The following LPXN variants were observed in gnomAD, a reference collection of about 807,000 sequenced individuals.
The protein encoded by LPXN is leupaxin.
LPXN carries 28 observed loss-of-function variants against 45.6 expected under a neutral mutation model. That is an observed-to-expected ratio of 0.61 (90% CI 0.45 to 0.84). The LOEUF (loss-of-function observed/expected upper bound fraction) is 0.84. Ranked by LOEUF, LPXN falls within the 40% of genes least tolerant of loss-of-function variation. The pLI, the probability that LPXN is intolerant of heterozygous loss-of-function variation, is 0.00. For synonymous variants in LPXN, 166 were observed against 169.9 expected (o/e 0.98, Z 0.18); for missense variants, 459 against 475.0 (o/e 0.97, Z 0.31).
intron 2 of LPXN, among the ~76,000 whole-genome samples, chr11:58,566,397 TTC>T (rs1854529289): frequency 6.6e-6 from 1 of 152,200 alleles, no homozygotes; most frequent in Admixed American, 6.5e-5. Context: ...TCTTTCTACC[TTC>T]ATTCAAAGCA....
chr11:58,554,537 C>T (rs1308125427), intron 4 of LPXN, among the ~76,000 whole-genome samples: 1 of 152,152 alleles, frequency 6.6e-6, no homozygotes, highest in African/African-American at 2.4e-5. Context: ...GTTTGCAAAA[C>T]ACCTGGCTTT....
chr11:58,570,032 G>C (rs540777551), intron 2 of LPXN, among the ~76,000 whole-genome samples: 6 of 151,972 alleles, frequency 3.9e-5, no homozygotes, highest in African/African-American at 1.4e-4. Flanking sequence ...GGCTGGGCGT[G>C]ATGGCTCATG....
In LPXN at chr11:58,536,117, T is replaced by A. The variant is rs137965418; in HGVS notation, c.743-7926A>T. ...ATTTATGCATTCAATGCTATCCCCATCAAGCTACCATTGACTTTCTTCATA... is the reference window on the plus strand; with the variant it reads ...ATTTATGCATTCAATGCTATCCCCAACAAGCTACCATTGACTTTCTTCATA... On this transcript the variant is annotated intron_variant, in intron 7 of 8. Transcript: ENST00000395074. 5.1e-3 allele frequency among the ~76,000 whole-genome samples: 778 copies of A among 152,324 alleles called. 3 individuals are homozygous for A. The highest frequency in any genetic ancestry group is 8.5e-3 in the Non-Finnish European group (575 of 68,030).
intron 4 of LPXN, among the ~76,000 whole-genome samples, chr11:58,553,563 CA>C (rs934020918): frequency 6.6e-6 from 1 of 152,120 alleles, no homozygotes; most frequent in African/African-American, 2.4e-5. Context: ...TTTATTTACT[CA>C]TCTCTCTAAT....
At chr11:58,543,985 C>T (rs566437192) in intron 7 of LPXN, among the ~76,000 whole-genome samples, 1 of 152,200 alleles carries the variant, frequency 6.6e-6, no homozygotes, top group South Asian at 2.1e-4. Flanking sequence ...TTTCACATGC[C>T]TTGCTTTGTT....
chr11:58,532,111 G>A (rs945159492), intron 7 of LPXN, among the ~76,000 whole-genome samples: 5 of 152,264 alleles, frequency 3.3e-5, no homozygotes, highest in Non-Finnish European at 5.9e-5. Flanking sequence ...TGCGGAGGGT[G>A]CACTGGGTCC....
intron 7 of LPXN, among the ~76,000 whole-genome samples, chr11:58,530,190 C>T (rs953076882): frequency 3.9e-5 from 6 of 152,168 alleles, no homozygotes; most frequent in East Asian, 3.9e-4. Flanking sequence ...GGAATGCCAG[C>T]GAGACAGAAC....
At chr11:58,564,573 C>G (rs1854474079) in intron 2 of LPXN, among the ~76,000 whole-genome samples, 1 of 152,078 alleles carries the variant, frequency 6.6e-6, no homozygotes, top group South Asian at 2.1e-4. Context: ...TTAAACTTGA[C>G]ATATGAAAAG....
intron 7 of LPXN, among the ~76,000 whole-genome samples, chr11:58,544,070 T>C (rs1225183973): frequency 6.6e-6 from 1 of 152,172 alleles, no homozygotes; most frequent in East Asian, 1.9e-4. Flanking sequence ...AAACTAGTAA[T>C]TTTATATGCT....
chr11:58,539,953 G>C (rs1853664910), intron 7 of LPXN, among the ~76,000 whole-genome samples: 2 of 152,148 alleles, frequency 1.3e-5, no homozygotes, highest in South Asian at 2.1e-4. Flanking sequence ...GGATCGGGAT[G>C]ACACTGCTTA....
chr11:58,571,750 A>G (rs1469370912), intron 1 of LPXN, among the ~76,000 whole-genome samples: 1 of 151,916 alleles, frequency 6.6e-6, no homozygotes, highest in African/African-American at 2.4e-5. Flanking sequence ...AACACATGCC[A>G]GGCACTGTGC....
At chr11:58,538,139 A>G (rs1853610337) in intron 7 of LPXN, among the ~76,000 whole-genome samples, 1 of 152,076 alleles carries the variant, frequency 6.6e-6, no homozygotes, top group Admixed American at 6.5e-5. Flanking sequence ...TCCATGGTGT[A>G]TATGTGCCAC....
At position 58,554,911 on chromosome 11, in the gene LPXN, G is replaced by C; in HGVS notation, c.248C>G (p.Pro83Arg). The C allele has an allele frequency of 1.9e-6, 3 of 1,613,980 alleles. No homozygotes were observed. Among genetic ancestry groups the C allele is most frequent in the Admixed American group, 3.3e-5 (2 of 60,016 alleles). Residue 83 changes from proline (P) to arginine (R), a missense_variant, in exon 4 of 9, where the codon CCA becomes CGA. Transcript: ENST00000395074. ...AGCAGCTGCTGACGTTTTAGAAGGT[G>C]GTGGTGATTCCTTTGGCTCTTGGGC... Reference protein sequence around the residue: ...SEAQEPKESPPPSKTSAAAQL... With the variant: ...SEAQEPKESPRPSKTSAAAQL...
chr11:58,559,357 A>C (rs1854303589), intron 3 of LPXN, among the ~76,000 whole-genome samples: 1 of 152,134 alleles, frequency 6.6e-6, no homozygotes. Flanking sequence ...TCCTACAGAA[A>C]AATTGGACAT....
upstream of LPXN, chr11:58,577,918 G>A (rs542411067): frequency 3.1e-6 from 4 of 1,309,234 alleles, no homozygotes; most frequent in Admixed American, 7.5e-5. Flanking sequence ...AGAGCCAACT[G>A]AGTAGTGGGC....
At chr11:58,556,149 GT>G (rs565350312) in intron 3 of LPXN, among the ~76,000 whole-genome samples, 36 of 151,742 alleles carry the variant, frequency 2.4e-4, no homozygotes, top group African/African-American at 5.3e-4. Flanking sequence ...GTTGAAATGT[GT>G]TTTTTTTAAA....
chr11:58,533,864 G>A (rs1038023236), intron 7 of LPXN, among the ~76,000 whole-genome samples: 1 of 151,926 alleles, frequency 6.6e-6, no homozygotes, highest in African/African-American at 2.4e-5. Flanking sequence ...AAAAAGCAGG[G>A]GTTGCAATTC....
At chr11:58,577,977 G>A (rs1211767123), upstream of LPXN, 3 of 1,548,752 alleles carry the variant, frequency 1.9e-6, no homozygotes, top group East Asian at 2.5e-5. Context: ...ACCAGATTTA[G>A]TCGCTGACCT....
intron 3 of LPXN, among the ~76,000 whole-genome samples, chr11:58,555,458 A>C (rs1314694549): frequency 6.6e-6 from 1 of 152,180 alleles, no homozygotes; most frequent in Non-Finnish European, 1.5e-5. Flanking sequence ...ATTGTAAGTA[A>C]ATTATAAATA....
Sources: allele counts gnomAD v4.1 joint callset (sites outside exome capture counted in the v4.1 genomes callset), GRCh38; gene constraint gnomAD v4.1.1; transcripts MANE v1.5; gene names NCBI Gene and HGNC (gene_info 2026-07-23, HGNC 2026-07-21).